The following HEPACAM variants were observed in gnomAD, a reference collection of about 807,000 sequenced individuals.
The protein encoded by HEPACAM is hepatic and glial cell adhesion molecule, also known as hepatocyte cell adhesion molecule.
Under a neutral mutation model 38.3 loss-of-function variants are expected in HEPACAM, and 18 were observed. The observed-to-expected ratio is 0.47, with a 90% CI of 0.33 to 0.70. The LOEUF (loss-of-function observed/expected upper bound fraction) is 0.70, where lower values mean the gene tolerates loss of function less well. Ranked by LOEUF, HEPACAM falls within the 30% of genes least tolerant of loss-of-function variation. The probability of loss-of-function intolerance (pLI) is 0.03; values close to 1 mark genes in which losing one functional copy is unlikely to be tolerated. For synonymous variants in HEPACAM, 216 were observed against 243.1 expected (o/e 0.89, Z 1.04); for missense variants, 466 against 563.0 (o/e 0.83, Z 1.74).
intron 1 of HEPACAM, among the ~76,000 whole-genome samples, chr11:124,933,181 T>TC (rs1168313746): frequency 6.8e-6 from 1 of 146,850 alleles, no homozygotes; most frequent in East Asian, 2.0e-4. Flanking sequence ...TACATTATAA[T>TC]TTTTTTTTTT....
At position 124,919,473 on chromosome 11, in the gene HEPACAM, T is replaced by C. The variant is rs1255338089; in HGVS notation, c.*1665A>G. The C allele has an allele frequency of 2.1e-6, 1 of 476,676 alleles. No individual in the cohort carries two copies. Among genetic ancestry groups the C allele is most frequent in the African/African-American group, 1.9e-5 (1 of 51,938 alleles). 29.5% of individuals were successfully genotyped at this position (476,676 alleles called of 1,614,324 possible). ...CTCATCTCACCCTAACCTTCACCTG[T>C]GCATCTCAAGGCTGACCAGCAGGTA... is the stretch of plus-strand genomic sequence containing the variant. On this transcript the variant is annotated 3_prime_UTR_variant, in exon 7 of 7. Transcript: ENST00000298251.
In HEPACAM at chr11:124,921,109, G is replaced by A. The variant is rs1190488267; in HGVS notation, c.*29C>T. The stretch of plus-strand genomic sequence containing the variant: ...CCCCGGGCCACTGGCCGCAGACCGC[G>A]GGCGCCTCTCAGGGGATCCCGAGGC... On this transcript the variant is annotated 3_prime_UTR_variant, in exon 7 of 7. Transcript: ENST00000298251. The surrounding 1 kb of genome is among the most constrained non-coding windows in gnomAD (Gnocchi z 4.6). 2 of 1,519,878 alleles carry A rather than the reference G, an allele frequency of 1.3e-6. No homozygotes were observed. The highest frequency in any genetic ancestry group is 1.8e-6 in the Non-Finnish European group (2 of 1,140,156). The allele number at this position is 1,519,878 out of a possible 1,614,324, so 94.1% of individuals were successfully genotyped here.
At chr11:124,925,122 A>T (rs899825602) in intron 1 of HEPACAM, 53 bp from the exon 2 acceptor site, 2 of 1,410,604 alleles carry the variant, frequency 1.4e-6, no homozygotes, top group African/African-American at 1.4e-5. Context: ...TGGGCTCCTT[A>T]GCCCACTCCC....
chr11:124,927,628 C>G (rs1478661047), intron 1 of HEPACAM, among the ~76,000 whole-genome samples: 3 of 151,748 alleles, frequency 2.0e-5, no homozygotes, highest in Non-Finnish European at 2.9e-5. Flanking sequence ...GTTGGCCTCC[C>G]AAAGTGCTGG....
chr11:124,927,510 G>GTT (rs763291809), intron 1 of HEPACAM, among the ~76,000 whole-genome samples: 31,643 of 96,400 alleles, frequency 0.33, 6,352 homozygotes, highest in Non-Finnish European at 0.39. Context: ...GCCCAGCTAG[G>GTT]TTTTTTTTTT....
chr11:124,920,070 G>A lies in HEPACAM; in HGVS notation c.*1068C>T. On this transcript the variant is annotated 3_prime_UTR_variant, in exon 7 of 7. Coordinates refer to ENST00000298251, the MANE Select transcript of HEPACAM (RefSeq NM_152722.5). The stretch of plus-strand genomic sequence containing the variant: ...CTGGGACCTGAGCATGTGGGAGCAG[G>A]GCAGATGGGTGGCAGGAGGCCAGGG... 6.4e-7 allele frequency: 1 copy of A among 1,564,994 alleles called. No homozygotes were observed. The highest frequency in any genetic ancestry group is 8.7e-7 in the Non-Finnish European group (1 of 1,153,692).
Position 124,920,500 on chromosome 11 carries a change from G to T in HEPACAM, c.*638C>A, listed in dbSNP as rs1404830317. On this transcript the variant is annotated 3_prime_UTR_variant, in exon 7 of 7. Transcript: ENST00000298251. ...GGTCAGAGGGAAAAGGAATGTACTC[G>T]TACCCTTCCCTCACCACCTTGTAGG... 1.3e-6 allele frequency: 2 copies of T among 1,496,506 alleles called. No homozygotes were observed. Among genetic ancestry groups the T allele is most frequent in the South Asian group, 1.2e-5 (1 of 80,716 alleles). The allele number at this position is 1,496,506 out of a possible 1,614,324, so 92.7% of individuals were successfully genotyped here.
chr11:124,935,387 G>T (rs113081487), intron 1 of HEPACAM, among the ~76,000 whole-genome samples: 79 of 152,226 alleles, frequency 5.2e-4, no homozygotes, highest in African/African-American at 1.7e-3. Context: ...CAAAGGATTG[G>T]TAGGGGGCGG....
chr11:124,927,510 GTTTTTTTTTTTTGTT>G (rs1234441254), intron 1 of HEPACAM, among the ~76,000 whole-genome samples: 1 of 99,192 alleles, frequency 1.0e-5, no homozygotes, highest in African/African-American at 4.2e-5. Context: ...GCCCAGCTAG[GTTTTTTTTTTTTGTT>G]TTTTTTTTTT....
rs1410827481 is a variant in HEPACAM, at chr11:124,920,497, C to T, written c.*641G>A. ...CCAGGTCAGAGGGAAAAGGAATGTA[C>T]TCGTACCCTTCCCTCACCACCTTGT... On this transcript the variant is annotated 3_prime_UTR_variant, in exon 7 of 7. Transcript: ENST00000298251. The T allele has an allele frequency of 2.0e-6, 3 of 1,504,400 alleles. No individual in the cohort carries two copies. Among genetic ancestry groups the T allele is most frequent in the Admixed American group, 4.2e-5 (2 of 47,812 alleles). 93.2% of individuals were successfully genotyped at this position (1,504,400 alleles called of 1,614,324 possible).
At position 124,921,072 on chromosome 11, in the gene HEPACAM, GC is replaced by G; in HGVS notation, c.*65del. The G allele has an allele frequency of 6.7e-7, 1 of 1,500,970 alleles. No homozygotes were observed. The highest frequency in any genetic ancestry group is 2.6e-5 in the East Asian group (1 of 38,824). The allele number at this position is 1,500,970 out of a possible 1,614,324, so 93.0% of individuals were successfully genotyped here. On this transcript the variant is annotated 3_prime_UTR_variant, in exon 7 of 7. Coordinates refer to ENST00000298251, the MANE Select transcript of HEPACAM (RefSeq NM_152722.5). The surrounding 1 kb of genome is among the most constrained non-coding windows in gnomAD (Gnocchi z 4.6). The stretch of plus-strand genomic sequence containing the variant: ...CAGCGCGCCGCGCCCGGGCTTCCCA[GC>G]CCCAGCTTTCCCCCGGGCCACTGGC...
At position 124,924,673 on chromosome 11, in the gene HEPACAM, C is replaced by T; in HGVS notation, c.427+55G>A. On this transcript the variant is annotated intron_variant, in intron 2 of 6. Transcript: ENST00000298251. The surrounding 1 kb of genome is among the most constrained non-coding windows in gnomAD (Gnocchi z 4.4). The stretch of plus-strand genomic sequence containing the variant: ...CAGTCTAGCTGGTGCGCTGGGCAGA[C>T]CTTTCCCTAGTCCCACCTGCCAGTC... 2.0e-6 allele frequency: 3 copies of T among 1,497,560 alleles called. No homozygotes were observed. The highest frequency in any genetic ancestry group is 9.3e-7 in the Non-Finnish European group (1 of 1,075,464). 92.8% of individuals were successfully genotyped at this position (1,497,560 alleles called of 1,614,324 possible). A position where few individuals can be genotyped will look rare whatever the true frequency, so the allele number is the denominator to read the frequency against.
chr11:124,935,886 T>C, intron 1 of HEPACAM, 36 bp downstream of exon 1: 1 of 1,594,056 alleles, frequency 6.3e-7, no homozygotes, highest in Non-Finnish European at 8.6e-7. Flanking sequence ...CCCCGGGTCC[T>C]TTCTTCAGAC....
chr11:124,923,521 G>A (rs916264380), intron 3 of HEPACAM, 88 bp from the exon 4 acceptor site: 11 of 1,170,368 alleles, frequency 9.4e-6, no homozygotes, highest in East Asian at 2.3e-5. Flanking sequence ...ATGGAAGAGA[G>A]GGGGAGCCCC....
rs765227941 is a variant in HEPACAM at position 124,924,029 on chromosome 11, G to T, written c.428-19C>A. Reference sequence around the variant, plus strand: ...ATGGGCACTGAGCCGCAGGAATGGGGGAGCCTGTAAGTCATTGGCTAAGAA... The same window carrying T: ...ATGGGCACTGAGCCGCAGGAATGGGTGAGCCTGTAAGTCATTGGCTAAGAA... On this transcript the variant is annotated intron_variant, in intron 2 of 6. Coordinates refer to ENST00000298251, the MANE Select transcript of HEPACAM (RefSeq NM_152722.5). This position sits in a 1 kb window ranked among gnomAD's most constrained non-coding sequence, Gnocchi z 4.4. 5.6e-6 allele frequency: 9 copies of T among 1,599,080 alleles called. No individual in the cohort carries two copies. The highest frequency in any genetic ancestry group is 7.7e-6 in the Non-Finnish European group (9 of 1,176,104).
At position 124,924,549 on chromosome 11, in the gene HEPACAM, A is replaced by T. The variant is rs1305060994; in HGVS notation, c.427+179T>A. 1.4e-6 allele frequency: 1 copy of T among 706,596 alleles called. No homozygotes were observed. The highest frequency in any genetic ancestry group is 2.6e-6 in the Non-Finnish European group (1 of 387,678). 43.8% of individuals were successfully genotyped at this position (706,596 alleles called of 1,614,324 possible). A position where few individuals can be genotyped will look rare whatever the true frequency, so the allele number is the denominator to read the frequency against. The stretch of plus-strand genomic sequence containing the variant: ...TTAGAATAGTTTCTGGCACATGGCA[A>T]TCACTCTACATGTTAGCTGTGCTGT... On this transcript the variant is annotated intron_variant, in intron 2 of 6. Transcript: ENST00000298251. The surrounding 1 kb of genome is among the most constrained non-coding windows in gnomAD (Gnocchi z 4.4).
Position 124,919,334 on chromosome 11 carries a change from C to T in HEPACAM, c.*1804G>A, listed in dbSNP as rs1020918223. The T allele has an allele frequency of 5.4e-6, 1 of 185,890 alleles. No individual in the cohort carries two copies. The highest frequency in any genetic ancestry group is 1.1e-5 in the Non-Finnish European group (1 of 95,046). 11.5% of individuals were successfully genotyped at this position (185,890 alleles called of 1,614,324 possible). ...TACAAAGATGAAGATGAAAACAACACAAAAACAAACCCCACTTCCTTACTT... is the reference window on the plus strand; with the variant it reads ...TACAAAGATGAAGATGAAAACAACATAAAAACAAACCCCACTTCCTTACTT... On this transcript the variant is annotated 3_prime_UTR_variant, in exon 7 of 7. Coordinates refer to ENST00000298251, the MANE Select transcript of HEPACAM (RefSeq NM_152722.5).
At chr11:124,927,202 C>T (rs1421669061) in intron 1 of HEPACAM, among the ~76,000 whole-genome samples, 3 of 152,062 alleles carry the variant, frequency 2.0e-5, no homozygotes, top group Non-Finnish European at 2.9e-5. Context: ...GGAAAAAGTG[C>T]TTTGCTAAGT....
intron 1 of HEPACAM, among the ~76,000 whole-genome samples, chr11:124,927,332 G>C (rs897449085): frequency 7.9e-5 from 12 of 151,056 alleles, no homozygotes; most frequent in African/African-American, 2.9e-4. Context: ...ATCTCTAGGG[G>C]GGCTTCTTAA....
Sources: allele counts gnomAD v4.1 joint callset (sites outside exome capture counted in the v4.1 genomes callset), GRCh38; gene constraint gnomAD v4.1.1; non-coding constraint Gnocchi (gnomAD v3.1); transcripts MANE v1.5; gene names NCBI Gene and HGNC (gene_info 2026-07-23, HGNC 2026-07-21).